The following CPB1 variants were observed in gnomAD, a reference collection of about 807,000 sequenced individuals.
The protein encoded by CPB1 is carboxypeptidase B.
A neutral mutation model predicts 51.4 loss-of-function variants in CPB1; 53 were observed. The ratio of observed to expected loss-of-function variants is 1.03; its 90% confidence interval spans 0.83 to 1.30. The LOEUF (loss-of-function observed/expected upper bound fraction) is 1.30. CPB1 is among the 50% of genes most tolerant of loss of function. The pLI, the probability that CPB1 is intolerant of heterozygous loss-of-function variation, is 0.00. For synonymous variants in CPB1, 189 were observed against 186.9 expected (o/e 1.01, Z -0.09); for missense variants, 494 against 516.2 (o/e 0.96, Z 0.42).
intron 3 of CPB1, among the ~76,000 whole-genome samples, chr3:148,836,000 T>G (rs1712892707): frequency 6.6e-6 from 1 of 152,190 alleles, no homozygotes; most frequent in African/African-American, 2.4e-5. Context: ...GCTCAACCTT[T>G]CTGAGCTTCA....
At chr3:148,845,768 G>T in intron 9 of CPB1, 142 bp downstream of exon 9, 2 of 649,390 alleles carry the variant, frequency 3.1e-6, no homozygotes, top group Non-Finnish European at 2.6e-6. Flanking sequence ...ACTTATTACA[G>T]ATTTATAAGG....
intron 3 of CPB1, among the ~76,000 whole-genome samples, chr3:148,837,686 G>A (rs984472760): frequency 6.6e-6 from 1 of 151,316 alleles, no homozygotes; most frequent in African/African-American, 2.4e-5. Context: ...ATAACCACAG[G>A]GCTGGGAAGG....
chr3:148,834,538 C>T lies in CPB1; in HGVS notation c.188C>T (p.Pro63Leu), dbSNP rs371387233. 18 of 1,613,486 alleles carry T rather than the reference C, an allele frequency of 1.1e-5. No homozygotes were observed. The highest frequency in any genetic ancestry group is 4.0e-5 in the African/African-American group (3 of 74,916). The change falls in exon 3 of 11, where the codon CCT becomes CTT. Residue 63 changes from proline (P) to leucine (L), a missense_variant. By Grantham distance (98) the Pro-to-Leu change is moderately conservative. Transcript: ENST00000282957. ...CCAGATTCTGTCACACAAATCAAAC[C>T]TCACAGTACAGTTGACTTCCGTGTT... is the stretch of plus-strand genomic sequence containing the variant. ...WKPDSVTQIK[P>L]HSTVDFRVKA...
chr3:148,855,024 AG>A (rs1488012067), intron 9 of CPB1: 1 of 152,344 alleles, frequency 6.6e-6, no homozygotes, highest in Non-Finnish European at 1.5e-5. Flanking sequence ...AAGGGTGTAC[AG>A]GGAAGTAATT....
At chr3:148,830,831 G>A (rs1220065257) in intron 2 of CPB1, among the ~76,000 whole-genome samples, 3 of 152,126 alleles carry the variant, frequency 2.0e-5, no homozygotes, top group African/African-American at 7.2e-5. Context: ...TCCTCTGGCT[G>A]CAAACATCAT....
chr3:148,837,864 GT>G (rs1712951770), intron 3 of CPB1, among the ~76,000 whole-genome samples: 1 of 152,044 alleles, frequency 6.6e-6, no homozygotes, highest in Non-Finnish European at 1.5e-5. Flanking sequence ...TGATGAAAAT[GT>G]TTAATATTTA....
intron 9 of CPB1, among the ~76,000 whole-genome samples, chr3:148,846,761 A>G (rs1713254009): frequency 7.8e-6 from 1 of 127,548 alleles, no homozygotes; most frequent in Non-Finnish European, 1.6e-5. Flanking sequence ...ATATACATAT[A>G]TATATATATA....
At chr3:148,847,253 C>T (rs947359131) in intron 9 of CPB1, among the ~76,000 whole-genome samples, 2 of 150,950 alleles carry the variant, frequency 1.3e-5, no homozygotes, top group African/African-American at 2.4e-5. Context: ...TTATTCAATA[C>T]ATTTTCTTAT....
At chr3:148,848,303 T>C (rs1713315002) in intron 9 of CPB1, among the ~76,000 whole-genome samples, 1 of 152,120 alleles carries the variant, frequency 6.6e-6, no homozygotes, top group Non-Finnish European at 1.5e-5. Flanking sequence ...GAAAAGTTAA[T>C]TTTGCACCCA....
intron 3 of CPB1, among the ~76,000 whole-genome samples, chr3:148,836,926 T>C (rs1712922107): frequency 6.6e-6 from 1 of 152,156 alleles, no homozygotes; most frequent in South Asian, 2.1e-4. Flanking sequence ...AAAATAACTT[T>C]TCAGATTTTT....
At chr3:148,829,446 GT>G (rs1712665929) in intron 2 of CPB1, among the ~76,000 whole-genome samples, 1 of 152,094 alleles carries the variant, frequency 6.6e-6, no homozygotes, top group Non-Finnish European at 1.5e-5. Context: ...ATTAACCTGT[GT>G]TCAGTCAAAA....
intron 3 of CPB1, among the ~76,000 whole-genome samples, chr3:148,835,355 A>G (rs1285071030): frequency 6.6e-6 from 1 of 152,200 alleles, no homozygotes; most frequent in African/African-American, 2.4e-5. Flanking sequence ...GACTTTAAAT[A>G]AGGAATTGCA....
Position 148,840,776 on chromosome 3 carries a change from G to A in CPB1, c.363G>A (p.Lys121=). Residue 121 remains lysine, a synonymous_variant, in exon 4 of 11, where the codon AAG becomes AAA. Transcript: ENST00000282957. The stretch of plus-strand genomic sequence containing the variant: ...GACACAGTTATGAGAAGTACAACAA[G>A]TGGGAAACGGTATGATGTGCACATG... ...ATGHSYEKYN[K]WETIEAWTQQ... is the part of the protein sequence containing the mutation. The A allele has an allele frequency of 6.2e-7, 1 of 1,614,158 alleles. No individual in the cohort carries two copies. The highest frequency in any genetic ancestry group is 8.5e-7 in the Non-Finnish European group (1 of 1,179,980).
chr3:148,840,960 T>C lies in CPB1; in HGVS notation c.459T>C (p.Ala153=). 1 of 1,614,028 alleles carries C rather than the reference T, an allele frequency of 6.2e-7. No homozygotes were observed. The highest frequency in any genetic ancestry group is 8.5e-7 in the Non-Finnish European group (1 of 1,179,912). The change falls in exon 5 of 11, where the codon GCT becomes GCC. Residue 153 remains alanine (A), a synonymous_variant. Coordinates refer to ENST00000282957, the MANE Select transcript of CPB1 (RefSeq NM_001871.3). ...SVIGTTFEGR[A]IYLLKVGKAG... The stretch of plus-strand genomic sequence containing the variant: ...TCGGAACCACATTTGAGGGACGCGC[T>C]ATTTACCTCCTGAAGGTAATCATTT...
At chr3:148,853,133 A>G (rs1391964768) in intron 9 of CPB1, among the ~76,000 whole-genome samples, 1 of 152,172 alleles carries the variant, frequency 6.6e-6, no homozygotes, top group African/African-American at 2.4e-5. Flanking sequence ...ACCCATAGGG[A>G]TGGCTAAACT....
At chr3:148,829,558 T>C (rs1463665915) in intron 2 of CPB1, among the ~76,000 whole-genome samples, 1 of 152,246 alleles carries the variant, frequency 6.6e-6, no homozygotes, top group Non-Finnish European at 1.5e-5. Flanking sequence ...TGTAGGATTT[T>C]AGATTTACAC....
At chr3:148,840,848 G>C in intron 4 of CPB1, 26 bp from the exon 5 acceptor site, 2 of 1,613,068 alleles carry the variant, frequency 1.2e-6, no homozygotes, top group Non-Finnish European at 1.7e-6. Flanking sequence ...ATGCCACATT[G>C]ATCTACAAAT....
chr3:148,853,715 T>C (rs1303676550), intron 9 of CPB1, among the ~76,000 whole-genome samples: 1 of 152,212 alleles, frequency 6.6e-6, no homozygotes, highest in Non-Finnish European at 1.5e-5. Context: ...CAACACTTCT[T>C]TTGAAGTATT....
chr3:148,848,404 T>C (rs941478131), intron 9 of CPB1, among the ~76,000 whole-genome samples: 15 of 152,260 alleles, frequency 9.9e-5, no homozygotes, highest in African/African-American at 3.4e-4. Context: ...ACATGATTTC[T>C]TGCATCATAC....
Sources: allele counts gnomAD v4.1 joint callset (sites outside exome capture counted in the v4.1 genomes callset), GRCh38; gene constraint gnomAD v4.1.1; transcripts MANE v1.5; gene names NCBI Gene and HGNC (gene_info 2026-07-23, HGNC 2026-07-21).